The following DSCAM variants were observed in gnomAD, a reference collection of about 807,000 sequenced individuals.
The protein encoded by DSCAM is cell adhesion molecule DSCAM.
DSCAM carries 47 observed loss-of-function variants against 217.7 expected under a neutral mutation model. The observed-to-expected ratio is 0.22, with a 90% CI of 0.17 to 0.28. The LOEUF (loss-of-function observed/expected upper bound fraction) is 0.28. Among genes scored for constraint, DSCAM ranks in the 10% least tolerant of loss-of-function variants. The pLI is 1.00. For synonymous variants in DSCAM, 1,056 were observed against 1,015.3 expected (o/e 1.04, Z -0.76); for missense variants, 2,080 against 2,618.3 (o/e 0.79, Z 4.49).
intron 3 of DSCAM, among the ~76,000 whole-genome samples, chr21:40,648,654 T>C (rs976744397): frequency 1.4e-4 from 21 of 152,180 alleles, no homozygotes; most frequent in Admixed American, 1.1e-3. Flanking sequence ...GTCGTGCCTT[T>C]GAGTGGTGTC....
At chr21:40,539,894 C>T (rs2076530164) in intron 3 of DSCAM, among the ~76,000 whole-genome samples, 1 of 152,104 alleles carries the variant, frequency 6.6e-6, no homozygotes, top group Admixed American at 6.5e-5. Context: ...AAATCATTTT[C>T]CCATGTACTC....
chr21:40,494,021 C>A (rs2076097944), intron 3 of DSCAM, among the ~76,000 whole-genome samples: 1 of 151,616 alleles, frequency 6.6e-6, no homozygotes, highest in Non-Finnish European at 1.5e-5. Flanking sequence ...TCATGGTAAT[C>A]ATAAAGCAAA....
chr21:40,817,602 T>C (rs1468078179), intron 1 of DSCAM, among the ~76,000 whole-genome samples: 4 of 152,168 alleles, frequency 2.6e-5, no homozygotes, highest in Admixed American at 1.3e-4. Flanking sequence ...CATTGTGCCA[T>C]GATGCATAAT....
At chr21:40,061,214 C>T (rs1223599454) in intron 28 of DSCAM, among the ~76,000 whole-genome samples, 2 of 152,176 alleles carry the variant, frequency 1.3e-5, no homozygotes, top group Admixed American at 1.3e-4. Flanking sequence ...CCATAGCCTG[C>T]CTCTATCTTC....
At chr21:40,745,979 G>T (rs1285925754) in intron 1 of DSCAM, among the ~76,000 whole-genome samples, 1 of 151,878 alleles carries the variant, frequency 6.6e-6, no homozygotes, top group Non-Finnish European at 1.5e-5. Flanking sequence ...TTGTTAATCA[G>T]TTTAAGATAA....
At chr21:40,766,691 AC>A (rs1441722895) in intron 1 of DSCAM, among the ~76,000 whole-genome samples, 1 of 65,888 alleles carries the variant, frequency 1.5e-5, no homozygotes, top group Non-Finnish European at 2.8e-5. Context: ...AAAAAAAACA[AC>A]TTTTTTTTTT....
chr21:40,441,926 C>T (rs2075633940), intron 3 of DSCAM, among the ~76,000 whole-genome samples: 1 of 152,150 alleles, frequency 6.6e-6, no homozygotes, highest in African/African-American at 2.4e-5. Context: ...TTTCATTGCA[C>T]ACTGTTTATT....
Position 40,269,046 on chromosome 21 carries a change from T to C in DSCAM, c.2356+7051A>G, listed in dbSNP as rs569300426. Among the ~76,000 whole-genome samples, 6 of 152,304 alleles carry C rather than the reference T, an allele frequency of 3.9e-5. No individual in the cohort carries two copies. In the South Asian group the frequency reaches 1.2e-3, roughly 32 times the overall value. On this transcript the variant is annotated intron_variant, in intron 11 of 32. Transcript: ENST00000400454. ...AACTCCTCATTCCCCCAGAGCCATT[T>C]ATTTCAGCAGGATTACCGAGGGGAA...
At chr21:40,206,517 C>T (rs2091128155) in intron 11 of DSCAM, among the ~76,000 whole-genome samples, 1 of 152,076 alleles carries the variant, frequency 6.6e-6, no homozygotes, top group African/African-American at 2.4e-5. Flanking sequence ...CACATTGAGA[C>T]CCAGTGAGAG....
At chr21:40,301,619 A>ACCACAGCCTTTATTACAC (rs1197261443) in intron 9 of DSCAM, among the ~76,000 whole-genome samples, 43 of 151,538 alleles carry the variant, frequency 2.8e-4, no homozygotes, top group South Asian at 6.2e-4. Context: ...CTCATCTGGT[A>ACCACAGCCTTTATTACAC]TTGCTGTTTA....
intron 27 of DSCAM, among the ~76,000 whole-genome samples, chr21:40,070,379 A>G (rs1231367889): frequency 6.7e-6 from 1 of 149,136 alleles, no homozygotes; most frequent in Admixed American, 6.7e-5. Flanking sequence ...GAAGGAGAGA[A>G]AAGCAAGGAA....
At chr21:40,104,253 TTTG>T (rs2089790250) in intron 20 of DSCAM, among the ~76,000 whole-genome samples, 1 of 152,232 alleles carries the variant, frequency 6.6e-6, no homozygotes, top group Non-Finnish European at 1.5e-5. Context: ...AAAAAACTAA[TTTG>T]TTATCATATA....
At chr21:40,188,435 A>G (rs2090919292) in intron 12 of DSCAM, among the ~76,000 whole-genome samples, 1 of 152,116 alleles carries the variant, frequency 6.6e-6, no homozygotes, top group African/African-American at 2.4e-5. Flanking sequence ...TTCCTTTTCT[A>G]GGAGGATTCC....
intron 4 of DSCAM, among the ~76,000 whole-genome samples, chr21:40,359,834 G>T (rs2074738181): frequency 6.6e-6 from 1 of 152,082 alleles, no homozygotes. Flanking sequence ...GAATCTTTTG[G>T]GTGGTGAAAA....
intron 1 of DSCAM, among the ~76,000 whole-genome samples, chr21:40,770,950 T>C (rs568810866): frequency 6.6e-6 from 1 of 152,308 alleles, no homozygotes; most frequent in African/African-American, 2.4e-5. Flanking sequence ...TTGGCAGTCT[T>C]TTCTTCTGGA....
chr21:40,288,235 A>G (rs2073851276), intron 10 of DSCAM, among the ~76,000 whole-genome samples: 1 of 152,192 alleles, frequency 6.6e-6, no homozygotes, highest in Non-Finnish European at 1.5e-5. Context: ...ACCACTGACA[A>G]ATGGAAAGAA....
intron 3 of DSCAM, among the ~76,000 whole-genome samples, chr21:40,637,516 AATAT>A (rs1356738958): frequency 6.0e-5 from 1 of 16,558 alleles, no homozygotes; most frequent in Non-Finnish European, 1.1e-4. Context: ...TAAATATATA[AATAT>A]ATATAAATAT....
intron 8 of DSCAM, among the ~76,000 whole-genome samples, chr21:40,336,976 G>A (rs1279854799): frequency 6.6e-6 from 1 of 151,956 alleles, no homozygotes; most frequent in Non-Finnish European, 1.5e-5. Flanking sequence ...CAAGACATAT[G>A]GTTATTAAAA....
chr21:40,465,874 G>A (rs569319477), intron 3 of DSCAM, among the ~76,000 whole-genome samples: 79 of 142,916 alleles, frequency 5.5e-4, no homozygotes, highest in African/African-American at 1.8e-3. Context: ...TTATAAACAC[G>A]TTTGGTAAAA....
Sources: gnomAD v4.1 joint callset for allele counts (sites outside exome capture counted in the v4.1 genomes callset) on GRCh38, gnomAD v4.1.1 for gene constraint, MANE v1.5 for transcripts, NCBI Gene and HGNC (gene_info 2026-07-23, HGNC 2026-07-21) for gene names.